The following NRXN2 variants were observed in gnomAD, a reference collection of about 807,000 sequenced individuals.
NRXN2 encodes the protein neurexin-2-beta.
Under a neutral mutation model 128.8 loss-of-function variants are expected in NRXN2, and 29 were observed. The observed-to-expected ratio is 0.23, with a 90% CI of 0.17 to 0.31. The LOEUF (loss-of-function observed/expected upper bound fraction) is 0.31. Among genes scored for constraint, NRXN2 ranks in the 10% least tolerant of loss-of-function variants. The pLI is 1.00. For synonymous variants in NRXN2, 1,098 were observed against 1,075.2 expected, an observed-to-expected ratio of 1.02 and a Z score of -0.41; for missense variants, 1,881 against 2,452.6, an observed-to-expected ratio of 0.77 and a Z score of 4.92.
chr11:64,714,886 T>C lies in NRXN2; in HGVS notation c.-244-943A>G, dbSNP rs545874123. 5.9e-5 allele frequency among the ~76,000 whole-genome samples: 9 copies of C among 152,280 alleles called. No individual in the cohort carries two copies. The East Asian group carries it at 1.5e-3, about 26-fold the overall frequency. On this transcript the variant is annotated intron_variant, in intron 1 of 22. Coordinates refer to ENST00000265459, the MANE Select transcript of NRXN2 (RefSeq NM_015080.4). This position sits in a 1 kb window ranked among gnomAD's most constrained non-coding sequence, Gnocchi z 4.5. ...GCCGGGGAGGGGAATTTGCATCTCG[T>C]TAAACTCCAAGTCGTAATTATTTAT...
chr11:64,691,378 T>A (rs1355754121), intron 4 of NRXN2, among the ~76,000 whole-genome samples: 1 of 152,136 alleles, frequency 6.6e-6, no homozygotes, highest in East Asian at 1.9e-4. Flanking sequence ...CCAGCTCGAA[T>A]CTTCACCCCA....
Position 64,622,993 on chromosome 11 carries a change from G to A in NRXN2, c.3933C>T (p.Ser1311=), listed in dbSNP as rs768530263. The change falls in exon 21 of 23, where the codon TCC becomes TCT. Residue 1311 remains serine (S), a synonymous_variant. Coordinates refer to ENST00000265459, the MANE Select transcript of NRXN2 (RefSeq NM_015080.4). The surrounding 1 kb of genome is among the most constrained non-coding windows in gnomAD (Gnocchi z 4.3). ...DQGRPFQGQV[S]GLYYNGLKVL... ...CCTTGAGCCCATTGTAGTAGAGGCC[G>A]GACACCTGGCCCTGGAAGGGGCGGC... The A allele has an allele frequency of 9.9e-6, 16 of 1,612,954 alleles. No homozygotes were observed. The highest frequency in any genetic ancestry group is 4.5e-5 in the East Asian group (2 of 44,868).
chr11:64,692,589 G>A (rs1369865087), intron 4 of NRXN2, among the ~76,000 whole-genome samples: 1 of 152,216 alleles, frequency 6.6e-6, no homozygotes, highest in African/African-American at 2.4e-5. Context: ...AAACCAAGGT[G>A]AGATGTGGGT....
In NRXN2 at chr11:64,607,181, C is replaced by G; in HGVS notation, c.*15G>C. 6.2e-7 allele frequency: 1 copy of G among 1,609,282 alleles called. No homozygotes were observed. The highest frequency in any genetic ancestry group is 8.5e-7 in the Non-Finnish European group (1 of 1,176,824). On this transcript the variant is annotated 3_prime_UTR_variant, in exon 23 of 23. Transcript: ENST00000265459. ...CCAGGAGGGGCAGCTGGCAGTGGGG[C>G]GCAGTGCCGGGGGCTCAGACATAAT... is the stretch of plus-strand genomic sequence containing the variant.
chr11:64,634,020 A>T (rs981358762), intron 18 of NRXN2, among the ~76,000 whole-genome samples: 4 of 152,108 alleles, frequency 2.6e-5, no homozygotes, highest in Non-Finnish European at 5.9e-5. Flanking sequence ...CAGACCTGGG[A>T]TGCTTAAAAG....
intron 22 of NRXN2, among the ~76,000 whole-genome samples, chr11:64,611,927 C>T (rs1018022335): frequency 6.7e-6 from 1 of 150,124 alleles, no homozygotes; most frequent in African/African-American, 2.4e-5. Flanking sequence ...GACTCCCCCT[C>T]GGTGCCCCCT....
In NRXN2 at chr11:64,648,728, A is replaced by C; in HGVS notation, c.3283+6T>G. 1 of 1,613,098 alleles carries C rather than the reference A, an allele frequency of 6.2e-7. No homozygotes were observed. Among genetic ancestry groups the C allele is most frequent in the Non-Finnish European group, 8.5e-7 (1 of 1,179,870 alleles). Reference sequence around the variant, plus strand: ...GCCACACCTCACTCCTCCACCCTCCACTCACCATCACAGCCCCTCTCCACC... The same window carrying C: ...GCCACACCTCACTCCTCCACCCTCCCCTCACCATCACAGCCCCTCTCCACC... On this transcript the variant is annotated splice_donor_region_variant and intron_variant, in intron 16 of 22. Coordinates refer to ENST00000265459, the MANE Select transcript of NRXN2 (RefSeq NM_015080.4). This position sits in a 1 kb window ranked among gnomAD's most constrained non-coding sequence, Gnocchi z 4.1.
intron 3 of NRXN2, among the ~76,000 whole-genome samples, chr11:64,693,124 G>A (rs1259830940): frequency 2.0e-5 from 3 of 149,444 alleles, no homozygotes; most frequent in African/African-American, 7.4e-5. Flanking sequence ...CAGGGGAAGA[G>A]AGAAAGAGAG....
intron 22 of NRXN2, 66 bp from the exon 23 acceptor site, chr11:64,608,148 C>T: frequency 8.1e-7 from 1 of 1,237,844 alleles, no homozygotes; most frequent in Non-Finnish European, 1.2e-6. Flanking sequence ...GCGGCCGGCA[C>T]AGAGAGAGAA....
rs951251095 is a variant in NRXN2, at chr11:64,662,136, T to C, written c.1799-997A>G. Among the ~76,000 whole-genome samples, 71 of 150,112 alleles carry C rather than the reference T, an allele frequency of 4.7e-4. 2 individuals are homozygous for C. The highest frequency in any genetic ancestry group is 2.1e-4 in the Non-Finnish European group (14 of 67,806). ...AGCCGGGTGTGTTGGCACAAACCTGTAGTCCCAGCTACTCGGGAGACTAAG... is the reference window on the plus strand; with the variant it reads ...AGCCGGGTGTGTTGGCACAAACCTGCAGTCCCAGCTACTCGGGAGACTAAG... On this transcript the variant is annotated intron_variant, in intron 9 of 22. Transcript: ENST00000265459.
intron 9 of NRXN2, among the ~76,000 whole-genome samples, chr11:64,666,730 A>G (rs1201805469): frequency 1.3e-5 from 2 of 151,498 alleles, no homozygotes; most frequent in Non-Finnish European, 2.9e-5. Context: ...CACCCAGCTA[A>G]TTTTTTGTAT....
At chr11:64,671,826 T>C (rs1311018180) in intron 7 of NRXN2, among the ~76,000 whole-genome samples, 1 of 151,638 alleles carries the variant, frequency 6.6e-6, no homozygotes, top group Non-Finnish European at 1.5e-5. Flanking sequence ...GACATTTGAC[T>C]CTACCTTCCT....
At chr11:64,722,539 C>A (rs1027915634) in intron 1 of NRXN2, among the ~76,000 whole-genome samples, 2 of 151,850 alleles carry the variant, frequency 1.3e-5, no homozygotes, top group Non-Finnish European at 2.9e-5. Flanking sequence ...CTTCTCCAGC[C>A]CCCTCTCCTC....
At chr11:64,695,382 C>T (rs935112377) in intron 3 of NRXN2, among the ~76,000 whole-genome samples, 9 of 152,090 alleles carry the variant, frequency 5.9e-5, no homozygotes, top group Admixed American at 2.0e-4. Flanking sequence ...GGGTGCAGAG[C>T]AGGATCTTGG....
intron 11 of NRXN2, among the ~76,000 whole-genome samples, chr11:64,657,065 T>TGG (rs2048378245): frequency 6.6e-6 from 1 of 152,226 alleles, no homozygotes; most frequent in Non-Finnish European, 1.5e-5. Context: ...AGCTGCCTCC[T>TGG]GGAGCAATAG....
At chr11:64,704,623 C>CACACACAGAGAGAG (rs1336665936) in intron 2 of NRXN2, among the ~76,000 whole-genome samples, 2 of 81,204 alleles carry the variant, frequency 2.5e-5, no homozygotes, top group African/African-American at 9.4e-5. Context: ...CACACACACA[C>CACACACAGAGAGAG]AGAGAGAGAG....
chr11:64,718,972 C>T (rs1295947282), intron 1 of NRXN2, among the ~76,000 whole-genome samples: 1 of 152,162 alleles, frequency 6.6e-6, no homozygotes, highest in African/African-American at 2.4e-5. Context: ...AGCTGTGTGA[C>T]CTTTGGTAAG....
chr11:64,654,193 CCT>C (rs1048713114), intron 11 of NRXN2, among the ~76,000 whole-genome samples: 1 of 151,980 alleles, frequency 6.6e-6, no homozygotes, highest in African/African-American at 2.4e-5. Flanking sequence ...CTTGTCACTC[CCT>C]GTTCCCCTCT....
In NRXN2 at chr11:64,623,016, G is replaced by A. The variant is rs369190811; in HGVS notation, c.3910C>T (p.Arg1304Cys). The stretch of plus-strand genomic sequence containing the variant: ...CCGGACACCTGGCCCTGGAAGGGGC[G>A]GCCCTGATCCCGGCCCCCGATCTTG... ...AIKIGGRDQG[R>C]PFQGQVSGLY... Residue 1304 changes from arginine to cysteine, a missense_variant, in exon 21 of 23, where the codon CGC (arginine) becomes TGC (cysteine). By Grantham distance (180) the Arg-to-Cys change is radical. This residue lies in a region of NRXN2 where 108 missense variants were observed against 165.2 expected (regional missense o/e 0.65). Transcript: ENST00000265459. This position sits in a 1 kb window ranked among gnomAD's most constrained non-coding sequence, Gnocchi z 4.9. 7 of 1,612,602 alleles carry A rather than the reference G, an allele frequency of 4.3e-6. No homozygotes were observed. Among genetic ancestry groups the A allele is most frequent in the East Asian group, 2.2e-5 (1 of 44,850 alleles).
Sources: allele counts gnomAD v4.1 joint callset (sites outside exome capture counted in the v4.1 genomes callset), GRCh38; gene constraint gnomAD v4.1.1; regional missense constraint gnomAD v4.1.1; non-coding constraint Gnocchi (gnomAD v3.1); transcripts MANE v1.5; gene names NCBI Gene and HGNC (gene_info 2026-07-23, HGNC 2026-07-21).